DAB1: variants seen among roughly 807,000 people sequenced by gnomAD.
DAB1 encodes the protein DAB adaptor protein 1.
In DAB1, 15 loss-of-function variants were observed where a neutral mutation model predicts 64.6. That is an observed-to-expected ratio of 0.23 (90% CI 0.16 to 0.36). DAB1 has a LOEUF of 0.36. Ranked by LOEUF, DAB1 falls within the 10% of genes least tolerant of loss-of-function variation. The pLI is 1.00. For missense variants in DAB1, 596 were observed against 706.7 expected (o/e 0.84, Z 1.78); for synonymous variants, 235 against 251.9 (o/e 0.93, Z 0.64).
intron 1 of DAB1, among the ~76,000 whole-genome samples, chr1:57,381,333 A>G (rs1476648368): frequency 6.6e-6 from 1 of 152,216 alleles, no homozygotes; most frequent in African/African-American, 2.4e-5. Flanking sequence ...GCCTTGGGTA[A>G]TCAACTCAAG....
At chr1:57,440,309 G>A (rs892989910) in intron 7 of DAB1, among the ~76,000 whole-genome samples, 2 of 152,202 alleles carry the variant, frequency 1.3e-5, no homozygotes, top group African/African-American at 4.8e-5. Flanking sequence ...AAACTGCAGA[G>A]AGAAAGAGCT....
At chr1:57,950,246 A>G (rs1645252318) in intron 5 of DAB1, among the ~76,000 whole-genome samples, 1 of 152,292 alleles carries the variant, frequency 6.6e-6, no homozygotes, top group East Asian at 1.9e-4. Flanking sequence ...TAATAATAAT[A>G]TCTACCTCCT....
At chr1:57,664,278 AGGG>A (rs1223723590) in intron 6 of DAB1, among the ~76,000 whole-genome samples, 1 of 152,206 alleles carries the variant, frequency 6.6e-6, no homozygotes. Flanking sequence ...AAAGCAAATA[AGGG>A]ATTTTTCAAA....
At chr1:57,184,141 G>T (rs1009409979) in intron 2 of DAB1, among the ~76,000 whole-genome samples, 1 of 152,184 alleles carries the variant, frequency 6.6e-6, no homozygotes, top group African/African-American at 2.4e-5. Context: ...AAATCCTGCT[G>T]CCCCACATCC....
chr1:57,935,690 G>T (rs1461925272), intron 5 of DAB1, among the ~76,000 whole-genome samples: 1 of 151,930 alleles, frequency 6.6e-6, no homozygotes, highest in Non-Finnish European at 1.5e-5. Context: ...TCAGTTGAGG[G>T]GTCACAACCA....
chr1:57,313,262 G>A (rs1020476779), intron 1 of DAB1, among the ~76,000 whole-genome samples: 8 of 152,112 alleles, frequency 5.3e-5, no homozygotes, highest in Admixed American at 2.0e-4. Flanking sequence ...TCTCCTGCAC[G>A]GCTTTGAATG....
chr1:58,346,954 G>A (rs955394314), intron 3 of DAB1, among the ~76,000 whole-genome samples: 13 of 152,122 alleles, frequency 8.5e-5, no homozygotes, highest in African/African-American at 1.9e-4. Context: ...TTGACTTTGG[G>A]CTACTTACCT....
Position 57,203,791 on chromosome 1 carries a change from T to G in DAB1, c.68-58362A>C, listed in dbSNP as rs61765581. On this transcript the variant is annotated intron_variant, in intron 2 of 14. Coordinates refer to ENST00000371236, the MANE Select transcript of DAB1 (RefSeq NM_001365792.1). ...TTGGTGCCTATTTGCTTGAAGGACA[T>G]TATGCAAACTGTACCGGTTCCGGAC... 8.6e-3 allele frequency among the ~76,000 whole-genome samples: 1,312 copies of G among 152,300 alleles called. 36 individuals carry two copies. In the East Asian group the frequency reaches 0.096, roughly 11 times the overall value.
At chr1:57,488,123 G>A (rs117459336) in intron 7 of DAB1, among the ~76,000 whole-genome samples, 2,898 of 152,156 alleles carry the variant, frequency 0.019, 77 homozygotes, top group East Asian at 0.14. Context: ...ATATTTGGGG[G>A]CCAGACACGG....
At chr1:57,089,315 A>C (rs1224224376) in intron 4 of DAB1, among the ~76,000 whole-genome samples, 1 of 152,142 alleles carries the variant, frequency 6.6e-6, no homozygotes, top group Non-Finnish European at 1.5e-5. Flanking sequence ...GTGTTTGTGG[A>C]ATGTATTAGG....
intron 3 of DAB1, among the ~76,000 whole-genome samples, chr1:58,465,295 AACGCCCTGCATG>A (rs1418848743): frequency 6.6e-6 from 1 of 152,132 alleles, no homozygotes; most frequent in Non-Finnish European, 1.5e-5. Flanking sequence ...CTCTCAGGCA[AACGCCCTGCATG>A]ACCCTAGAGA....
chr1:58,317,214 C>T (rs928606604), intron 4 of DAB1, among the ~76,000 whole-genome samples: 1 of 152,246 alleles, frequency 6.6e-6, no homozygotes, highest in African/African-American at 2.4e-5. Flanking sequence ...AAGCCTTCCA[C>T]AATTCCATGG....
intron 3 of DAB1, among the ~76,000 whole-genome samples, chr1:58,373,039 C>A (rs1460240407): frequency 6.6e-6 from 1 of 152,060 alleles, no homozygotes; most frequent in Non-Finnish European, 1.5e-5. Context: ...ATTCTTAATT[C>A]TCTGTGGAAG....
chr1:58,108,935 G>C (rs1428779052), intron 5 of DAB1, among the ~76,000 whole-genome samples: 1 of 152,186 alleles, frequency 6.6e-6, no homozygotes, highest in Non-Finnish European at 1.5e-5. Flanking sequence ...GAGATGCAGA[G>C]AACAGTCTGG....
In DAB1 at chr1:58,529,843, G is replaced by A. The variant is rs1174246254; in HGVS notation, n.33-2508C>T. On this transcript the variant is annotated intron_variant and non_coding_transcript_variant, in intron 1 of 20. Transcript: ENST00000485760. ...AGAGATGATTTAAAGTATATGAGAG[G>A]ATGTGCATAGTTACATGCAAACACC... Among the ~76,000 whole-genome samples the A allele has an allele frequency of 4.6e-5, 7 of 152,170 alleles. No homozygotes were observed. In the East Asian group the frequency reaches 1.2e-3, roughly 25 times the overall value.
intron 1 of DAB1, among the ~76,000 whole-genome samples, chr1:57,409,254 T>C (rs746228057): frequency 2.0e-5 from 3 of 152,206 alleles, no homozygotes; most frequent in Non-Finnish European, 4.4e-5. Context: ...ACTGCTAATC[T>C]CTGTCTTTCG....
chr1:57,069,514 G>A, intron 7 of DAB1, 89 bp from the exon 8 acceptor site: 1 of 1,114,776 alleles, frequency 9.0e-7, no homozygotes, highest in South Asian at 1.3e-5. Flanking sequence ...ACAAATCACA[G>A]CGAGCATTAA....
intron 12 of DAB1, among the ~76,000 whole-genome samples, chr1:57,013,926 C>T (rs1646341590): frequency 6.6e-6 from 1 of 152,102 alleles, no homozygotes; most frequent in African/African-American, 2.4e-5. Context: ...CTCATCCAAG[C>T]CAATTCACTT....
At chr1:58,014,982 C>T (rs2802897) in intron 5 of DAB1, among the ~76,000 whole-genome samples, 2 of 151,994 alleles carry the variant, frequency 1.3e-5, no homozygotes, top group Non-Finnish European at 2.9e-5. Context: ...CTCAGCCCTC[C>T]CAAACCTATG....
Sources: allele counts gnomAD v4.1 joint callset (sites outside exome capture counted in the v4.1 genomes callset), GRCh38; gene constraint gnomAD v4.1.1; transcripts MANE v1.5; gene names NCBI Gene and HGNC (gene_info 2026-07-23, HGNC 2026-07-21).